The following DTL variants were observed in gnomAD, a reference collection of about 807,000 sequenced individuals.
The protein encoded by DTL is denticleless protein homolog.
A neutral mutation model predicts 87.0 loss-of-function variants in DTL; 46 were observed. The ratio of observed to expected loss-of-function variants is 0.53; its 90% CI spans 0.42 to 0.68. The LOEUF is 0.68. Among genes scored for constraint, DTL ranks in the 30% least tolerant of loss-of-function variants. The pLI is 0.00. For synonymous variants in DTL, 308 were observed against 311.2 expected, an observed-to-expected ratio of 0.99 and a Z score of 0.11; for missense variants, 737 against 869.4, an observed-to-expected ratio of 0.85 and a Z score of 1.91.
Position 212,071,591 on chromosome 1 carries a change from T to TG in DTL, c.923-510_923-509insG, listed in dbSNP as rs1237158127. Among the ~76,000 whole-genome samples, 4 of 142,276 alleles carry TG rather than the reference T, an allele frequency of 2.8e-5. No individual in the cohort carries two copies. In the East Asian group the frequency reaches 7.8e-4, roughly 28 times the overall value. 93.3% of individuals were successfully genotyped at this position (142,276 alleles called of 152,430 possible). On this transcript the variant is annotated intron_variant, in intron 10 of 14. Transcript: ENST00000366991. ...GAACTCAAATGATACTTTTCACTGA[T>TG]TTTTTTTTTCCTTTTCATGGAACAA...
chr1:212,055,270 A>G (rs1668134955), intron 5 of DTL, among the ~76,000 whole-genome samples: 1 of 152,166 alleles, frequency 6.6e-6, no homozygotes, highest in South Asian at 2.1e-4. Context: ...CCAGCAGCCC[A>G]AATACCCACT....
intron 1 of DTL, among the ~76,000 whole-genome samples, chr1:212,037,298 T>C (rs1667506949): frequency 6.6e-6 from 1 of 152,248 alleles, no homozygotes; most frequent in Admixed American, 6.5e-5. Flanking sequence ...TAATAGTCAC[T>C]GAAATTCATT....
At chr1:212,073,802 C>A (rs1654750781) in intron 11 of DTL, among the ~76,000 whole-genome samples, 1 of 152,062 alleles carries the variant, frequency 6.6e-6, no homozygotes, top group South Asian at 2.1e-4. Context: ...GATGGAGTTT[C>A]CTCTTTATAA....
At chr1:212,079,903 A>G (rs1455112705) in intron 12 of DTL, among the ~76,000 whole-genome samples, 2 of 152,200 alleles carry the variant, frequency 1.3e-5, no homozygotes, top group Non-Finnish European at 2.9e-5. Flanking sequence ...GAGAAATTAT[A>G]TAAACAAATG....
intron 1 of DTL, among the ~76,000 whole-genome samples, chr1:212,042,668 G>T (rs1667689656): frequency 6.6e-6 from 1 of 152,196 alleles, no homozygotes; most frequent in South Asian, 2.1e-4. Context: ...TTTTGTGGTT[G>T]TCTCTTTGGT....
intron 13 of DTL, among the ~76,000 whole-genome samples, chr1:212,087,442 C>G (rs1482866314): frequency 6.6e-6 from 1 of 151,710 alleles, no homozygotes; most frequent in Non-Finnish European, 1.5e-5. Context: ...CCCAGCTACT[C>G]GGGAGGCTGA....
At chr1:212,055,349 G>A (rs1026304944) in intron 5 of DTL, among the ~76,000 whole-genome samples, 2 of 152,110 alleles carry the variant, frequency 1.3e-5, no homozygotes, top group Admixed American at 1.3e-4. Flanking sequence ...ATAGGGAGCT[G>A]CCTGGAGACT....
chr1:212,080,468 A>G (rs1654958162), intron 12 of DTL, 147 bp from the exon 13 acceptor site: 4 of 708,362 alleles, frequency 5.6e-6, no homozygotes, highest in African/African-American at 5.3e-5. Context: ...AAATGGATGT[A>G]CATGATCTTT....
intron 13 of DTL, among the ~76,000 whole-genome samples, chr1:212,083,292 A>G (rs906771855): frequency 6.6e-6 from 1 of 152,164 alleles, no homozygotes; most frequent in African/African-American, 2.4e-5. Flanking sequence ...TCACGAGAAC[A>G]GCATGGGAAA....
chr1:212,035,865 C>A lies in DTL; in HGVS notation c.-26C>A. ...GGAGGCATTTCTACGACTTTTCTCT[C>A]AGCTGAGGCTTTTCCTCCGACCCTG... On this transcript the variant is annotated 5_prime_UTR_variant, in exon 1 of 15. Coordinates refer to ENST00000366991, the MANE Select transcript of DTL (RefSeq NM_016448.4). 1 of 1,613,578 alleles carries A rather than the reference C, an allele frequency of 6.2e-7. No homozygotes were observed.
rs373810024 is a variant in DTL at position 212,086,938 on chromosome 1, A to G, written c.1261+6188A>G. On this transcript the variant is annotated intron_variant, in intron 13 of 14. Transcript: ENST00000366991. ...TGTGATGAAAAGTATCTTGCTTTTAACTATGTACTTTTAGTGTGCCATTAA... is the reference window on the plus strand; with the variant it reads ...TGTGATGAAAAGTATCTTGCTTTTAGCTATGTACTTTTAGTGTGCCATTAA... Among the ~76,000 whole-genome samples the G allele has an allele frequency of 8.5e-5, 13 of 152,334 alleles. No homozygotes were observed. The East Asian group carries it at 1.2e-3, about 14-fold the overall frequency.
At chr1:212,091,025 G>A (rs1655265352) in intron 13 of DTL, among the ~76,000 whole-genome samples, 1 of 152,156 alleles carries the variant, frequency 6.6e-6, no homozygotes, top group African/African-American at 2.4e-5. Context: ...ATGTGTTGTA[G>A]AATACCTATA....
intron 12 of DTL, among the ~76,000 whole-genome samples, chr1:212,078,859 A>G (rs1017543500): frequency 6.6e-6 from 1 of 152,182 alleles, no homozygotes; most frequent in African/African-American, 2.4e-5. Flanking sequence ...ATTAAAAACT[A>G]TGTATCTATT....
chr1:212,102,778 A>T, intron 14 of DTL, 64 bp from the exon 15 acceptor site: 1 of 1,142,322 alleles, frequency 8.8e-7, no homozygotes, highest in Non-Finnish European at 1.3e-6. Context: ...GGTATGCCTT[A>T]GTAATAACTT....
intron 5 of DTL, among the ~76,000 whole-genome samples, chr1:212,050,323 C>G (rs1667929418): frequency 6.6e-6 from 1 of 152,098 alleles, no homozygotes; most frequent in Non-Finnish European, 1.5e-5. Flanking sequence ...ACAAATAATC[C>G]TAACTGGACA....
intron 5 of DTL, among the ~76,000 whole-genome samples, chr1:212,055,671 C>T (rs1274726944): frequency 6.6e-6 from 1 of 152,180 alleles, no homozygotes; most frequent in Admixed American, 6.5e-5. Context: ...GGGAAAGCAA[C>T]CCCACTCTGC....
intron 11 of DTL, among the ~76,000 whole-genome samples, chr1:212,076,605 T>A (rs1461666117): frequency 6.6e-6 from 1 of 152,140 alleles, no homozygotes; most frequent in Non-Finnish European, 1.5e-5. Flanking sequence ...GACAATAATG[T>A]ATTTCTACCA....
chr1:212,069,287 C>A lies in DTL; in HGVS notation c.922+584C>A, dbSNP rs1340561556. On this transcript the variant is annotated intron_variant, in intron 10 of 14. Coordinates refer to ENST00000366991, the MANE Select transcript of DTL (RefSeq NM_016448.4). ...CTCTTTTTTTTAATCCTCTCCCCTC[C>A]CTCTTCCAAATCACCAGCCTCAGGC... is the stretch of plus-strand genomic sequence containing the variant. Among the ~76,000 whole-genome samples the A allele has an allele frequency of 2.6e-5, 4 of 151,952 alleles. No individual in the cohort carries two copies. The East Asian group carries it at 5.8e-4, about 22-fold the overall frequency.
intron 1 of DTL, among the ~76,000 whole-genome samples, chr1:212,042,336 C>T (rs1275362541): frequency 1.3e-5 from 2 of 152,152 alleles, no homozygotes; most frequent in Admixed American, 1.3e-4. Context: ...AAAATTTACC[C>T]ATCTTTCAAG....
Sources: allele counts gnomAD v4.1 joint callset (sites outside exome capture counted in the v4.1 genomes callset), GRCh38; gene constraint gnomAD v4.1.1; transcripts MANE v1.5; gene names NCBI Gene and HGNC (gene_info 2026-07-23, HGNC 2026-07-21).